NDUFAF2: variants seen among roughly 807,000 people sequenced by gnomAD.
NDUFAF2 encodes the protein NADH:ubiquinone oxidoreductase complex assembly factor 2, also known as NADH dehydrogenase [ubiquinone] 1 alpha subcomplex assembly factor 2.
A neutral mutation model predicts 22.8 loss-of-function variants in NDUFAF2; 13 were observed. That is an observed-to-expected ratio of 0.57 (90% CI 0.37 to 0.91). The LOEUF is 0.91. Ranked by LOEUF, NDUFAF2 falls within the 40% of genes least tolerant of loss-of-function variation. The pLI is 0.01. For missense variants in NDUFAF2, 162 were observed against 195.2 expected, an observed-to-expected ratio of 0.83 and a Z score of 1.01; for synonymous variants, 53 against 64.2, an observed-to-expected ratio of 0.83 and a Z score of 0.84.
intron 2 of NDUFAF2, among the ~76,000 whole-genome samples, chr5:61,084,229 TTA>T (rs78367955): frequency 0.44 from 62,768 of 143,252 alleles, 14,785 homozygotes; most frequent in East Asian, 0.82. Flanking sequence ...ATTTTTATGA[TTA>T]TTTTTTTTCA....
chr5:61,043,454 G>A (rs1347063954), intron 1 of NDUFAF2, among the ~76,000 whole-genome samples: 1 of 152,014 alleles, frequency 6.6e-6, no homozygotes, highest in Non-Finnish European at 1.5e-5. Context: ...CCTCCTAACT[G>A]GAGCTTTGTG....
chr5:61,082,380 A>G (rs1752453944), intron 2 of NDUFAF2, among the ~76,000 whole-genome samples: 1 of 152,084 alleles, frequency 6.6e-6, no homozygotes, highest in African/African-American at 2.4e-5. Flanking sequence ...CTACAGACAC[A>G]CATCACCATG....
chr5:61,030,950 C>G (rs1407995324), intron 1 of NDUFAF2, among the ~76,000 whole-genome samples: 1 of 152,030 alleles, frequency 6.6e-6, no homozygotes, highest in Non-Finnish European at 1.5e-5. Context: ...CATCCTTTGC[C>G]TTAGGTATCC....
intron 1 of NDUFAF2, among the ~76,000 whole-genome samples, chr5:60,984,478 T>G (rs1751039420): frequency 6.6e-6 from 1 of 152,144 alleles, no homozygotes; most frequent in Admixed American, 6.5e-5. Flanking sequence ...CTTGTGCCAG[T>G]TTTCAAAGGG....
intron 1 of NDUFAF2, among the ~76,000 whole-genome samples, chr5:61,000,752 G>T (rs1561538666): frequency 6.6e-6 from 1 of 152,102 alleles, no homozygotes; most frequent in South Asian, 2.1e-4. Flanking sequence ...CTTATGACCA[G>T]TGACTGCTGG....
At chr5:61,016,612 T>C (rs941192926) in intron 1 of NDUFAF2, among the ~76,000 whole-genome samples, 1 of 152,170 alleles carries the variant, frequency 6.6e-6, no homozygotes, top group African/African-American at 2.4e-5. Context: ...TTTCTTAAGG[T>C]GGAGATAAAT....
intron 1 of NDUFAF2, among the ~76,000 whole-genome samples, chr5:60,960,508 T>TGTATA (rs1750669987): frequency 1.3e-5 from 2 of 152,214 alleles, no homozygotes; most frequent in South Asian, 4.1e-4. Flanking sequence ...TTCAAAGTAC[T>TGTATA]ACTCAGTTCA....
intron 1 of NDUFAF2, among the ~76,000 whole-genome samples, chr5:61,030,626 T>C (rs1751711002): frequency 6.6e-6 from 1 of 152,020 alleles, no homozygotes; most frequent in Non-Finnish European, 1.5e-5. Flanking sequence ...TCTTAGCATT[T>C]TAAAAGTGTG....
intron 3 of NDUFAF2, among the ~76,000 whole-genome samples, chr5:61,120,004 C>T (rs1752956909): frequency 6.6e-6 from 1 of 152,114 alleles, no homozygotes. Context: ...TTAATTTTAG[C>T]AAGTTAATTT....
chr5:60,994,734 T>C (rs1751206428), intron 1 of NDUFAF2, among the ~76,000 whole-genome samples: 1 of 152,256 alleles, frequency 6.6e-6, no homozygotes, highest in South Asian at 2.1e-4. Flanking sequence ...GATACCTTTC[T>C]CTAGGTTTGA....
chr5:61,041,017 T>G (rs1191784705), intron 1 of NDUFAF2, among the ~76,000 whole-genome samples: 5 of 152,186 alleles, frequency 3.3e-5, no homozygotes, highest in Admixed American at 2.6e-4. Flanking sequence ...AGAGCACAGC[T>G]GAAAATAACT....
In NDUFAF2 at chr5:61,041,812, G is replaced by A. The variant is rs568919387; in HGVS notation, c.128-31313G>A. ...ATATTTGTTCACCATGTGTCTTAGA[G>A]GAAAGTGAAGATTTTAAGGGCTACT... On this transcript the variant is annotated intron_variant, in intron 1 of 3. Coordinates refer to ENST00000296597, the MANE Select transcript of NDUFAF2 (RefSeq NM_174889.5). 1.7e-4 allele frequency among the ~76,000 whole-genome samples: 26 copies of A among 152,224 alleles called. No homozygotes were observed. In the East Asian group the frequency reaches 3.3e-3, roughly 19 times the overall value.
At chr5:61,071,117 C>A (rs974834094) in intron 1 of NDUFAF2, among the ~76,000 whole-genome samples, 1 of 152,100 alleles carries the variant, frequency 6.6e-6, no homozygotes, top group Non-Finnish European at 1.5e-5. Context: ...AGTAAACATA[C>A]ATGTACATAT....
intron 2 of NDUFAF2, among the ~76,000 whole-genome samples, chr5:61,092,016 A>G (rs949700174): frequency 3.3e-5 from 5 of 151,850 alleles, no homozygotes; most frequent in African/African-American, 4.8e-5. Flanking sequence ...GTGCAGTCCT[A>G]TTTCTGGACT....
rs533844567 is a variant in NDUFAF2 at position 60,962,568 on chromosome 5, C to T, written c.127+17186C>T. ...AACATTAGAAAATTGCGTGGTGGCT[C>T]ACGCCTGTAATCCCAACACTTTGGG... On this transcript the variant is annotated intron_variant, in intron 1 of 3. Coordinates refer to ENST00000296597, the MANE Select transcript of NDUFAF2 (RefSeq NM_174889.5). 2.6e-5 allele frequency among the ~76,000 whole-genome samples: 4 copies of T among 152,212 alleles called. No individual in the cohort carries two copies. The East Asian group carries it at 7.8e-4, about 30-fold the overall frequency.
chr5:61,090,033 T>TGTGC (rs1752548064), intron 2 of NDUFAF2, among the ~76,000 whole-genome samples: 1 of 152,082 alleles, frequency 6.6e-6, no homozygotes, highest in Non-Finnish European at 1.5e-5. Context: ...TATGCCATTA[T>TGTGC]ACTTTTTCAG....
At chr5:60,980,275 A>G (rs1485463399) in intron 1 of NDUFAF2, among the ~76,000 whole-genome samples, 5 of 152,190 alleles carry the variant, frequency 3.3e-5, no homozygotes, top group Non-Finnish European at 7.3e-5. Flanking sequence ...CATGAAAACC[A>G]TCCAGGAATA....
chr5:61,040,125 A>G (rs1438278172), intron 1 of NDUFAF2, among the ~76,000 whole-genome samples: 2 of 152,068 alleles, frequency 1.3e-5, no homozygotes, highest in Admixed American at 6.6e-5. Context: ...ATGTATATCC[A>G]TTTGAAACCT....
chr5:61,143,338 A>G (rs1035333846), intron 3 of NDUFAF2, among the ~76,000 whole-genome samples: 2 of 152,064 alleles, frequency 1.3e-5, no homozygotes, highest in Non-Finnish European at 2.9e-5. Flanking sequence ...AAAAATTTTA[A>G]TATTTATTAA....
Sources: gnomAD v4.1 joint callset for allele counts (sites outside exome capture counted in the v4.1 genomes callset) on GRCh38, gnomAD v4.1.1 for gene constraint, MANE v1.5 for transcripts, NCBI Gene and HGNC (gene_info 2026-07-23, HGNC 2026-07-21) for gene names.